The following ITIH1 variants were observed in gnomAD, a reference collection of about 807,000 sequenced individuals.
ITIH1 encodes the protein inter-alpha-trypsin inhibitor heavy chain H1.
In ITIH1, 94 loss-of-function variants were observed where a neutral mutation model predicts 104.6. The observed-to-expected ratio is 0.90, with a 90% CI of 0.76 to 1.07. The LOEUF (loss-of-function observed/expected upper bound fraction) is 1.07, where lower values mean the gene tolerates loss of function less well. ITIH1 is among the 50% of genes least tolerant of loss of function. ITIH1 has a pLI of 0.00. For synonymous variants in ITIH1, 455 were observed against 464.4 expected (o/e 0.98, Z 0.26); for missense variants, 1,193 against 1,181.4 (o/e 1.01, Z -0.14).
intron 15 of ITIH1, 130 bp from the exon 16 acceptor site, chr3:52,787,462 A>T (rs1215381479): frequency 8.8e-7 from 1 of 1,133,232 alleles, no homozygotes; most frequent in African/African-American, 1.5e-5. Flanking sequence ...AGGAGGCAGG[A>T]CCCCAGGGGA....
chr3:52,790,725 C>A, intron 19 of ITIH1, 24 bp from the exon 20 acceptor site: 1 of 1,606,604 alleles, frequency 6.2e-7, no homozygotes, highest in Non-Finnish European at 8.5e-7. Flanking sequence ...CCGCACCTGC[C>A]CTCTCGGCCA....
Sources: allele counts gnomAD v4.1 joint callset, GRCh38; gene constraint gnomAD v4.1.1; transcripts MANE v1.5; gene names NCBI Gene and HGNC (gene_info 2026-07-23, HGNC 2026-07-21).